Variants in VAPB observed in about 807,000 individuals in gnomAD.
The protein encoded by VAPB is VAMP associated protein B and C.
In VAPB, 7 loss-of-function variants were observed where a neutral mutation model predicts 25.6. The observed-to-expected ratio is 0.27, with a 90% CI of 0.16 to 0.51. The LOEUF (loss-of-function observed/expected upper bound fraction) is 0.51, where lower values mean the gene tolerates loss of function less well. Among genes scored for constraint, VAPB ranks in the 20% least tolerant of loss-of-function variants. VAPB has a pLI of 0.97. For missense variants in VAPB, 266 were observed against 301.3 expected (o/e 0.88, Z 0.87); for synonymous variants, 112 against 109.2 (o/e 1.03, Z -0.16).
chr20:58,444,394 C>CA lies in VAPB; in HGVS notation c.*160dup. 1 of 958,576 alleles carries CA rather than the reference C, an allele frequency of 1.0e-6. No individual in the cohort carries two copies. The allele number at this position is 958,576 out of a possible 1,614,324, so 59.4% of individuals were successfully genotyped here. A position where few individuals can be genotyped will look rare whatever the true frequency, so the allele number is the denominator to read the frequency against. On this transcript the variant is annotated 3_prime_UTR_variant, in exon 6 of 6. Transcript: ENST00000475243. ...CCCTGCACACACATACACAGATACACACACACAAATATAATGTAACGATCT... is the reference window on the plus strand; with the variant it reads ...CCCTGCACACACATACACAGATACACAACACACAAATATAATGTAACGATCT...
chr20:58,409,588 A>G (rs569957638), intron 1 of VAPB, among the ~76,000 whole-genome samples: 1 of 152,290 alleles, frequency 6.6e-6, no homozygotes, highest in Admixed American at 6.5e-5. Context: ...AGAGGCTGTG[A>G]AAAGGAGAGA....
At chr20:58,423,445 A>G (rs868358550) in intron 2 of VAPB, among the ~76,000 whole-genome samples, 76 of 143,776 alleles carry the variant, frequency 5.3e-4, no homozygotes, top group African/African-American at 1.7e-3. Flanking sequence ...AAAAAAAAAA[A>G]AAAAGAAAAG....
chr20:58,390,516 G>A (rs1449135712), intron 1 of VAPB, among the ~76,000 whole-genome samples: 1 of 151,998 alleles, frequency 6.6e-6, no homozygotes, highest in Non-Finnish European at 1.5e-5. Context: ...GACAGATAAG[G>A]CCTCTGCTCT....
intron 1 of VAPB, among the ~76,000 whole-genome samples, chr20:58,398,095 A>G (rs1025457100): frequency 2.6e-5 from 4 of 152,218 alleles, no homozygotes; most frequent in African/African-American, 9.7e-5. Context: ...CCTACCCAAC[A>G]TCATAGCCTT....
At chr20:58,398,534 T>A (rs1189094160) in intron 1 of VAPB, among the ~76,000 whole-genome samples, 3 of 150,946 alleles carry the variant, frequency 2.0e-5, no homozygotes, top group Admixed American at 1.3e-4. Context: ...GCCCTTAAAG[T>A]TTCCAGCCTC....
chr20:58,423,445 A>AAAAAAAAAAAAAAAAAC (rs1988717111), intron 2 of VAPB, among the ~76,000 whole-genome samples: 1 of 143,808 alleles, frequency 7.0e-6, no homozygotes, highest in Admixed American at 7.0e-5. Context: ...AAAAAAAAAA[A>AAAAAAAAAAAAAAAAAC]AAAAGAAAAG....
intron 1 of VAPB, among the ~76,000 whole-genome samples, chr20:58,414,551 C>T (rs1335133305): frequency 2.8e-5 from 4 of 142,018 alleles, no homozygotes; most frequent in East Asian, 2.2e-4. Context: ...CAGACGGGGT[C>T]GTGGCCGGGC....
rs1370952211 is a variant in VAPB, at chr20:58,389,280, T to A, written c.-180T>A. 11 of 698,962 alleles carry A rather than the reference T, an allele frequency of 1.6e-5. No individual in the cohort carries two copies. In the East Asian group the frequency reaches 2.6e-4, roughly 17 times the overall value. 43.3% of individuals were successfully genotyped at this position (698,962 alleles called of 1,614,324 possible). On this transcript the variant is annotated 5_prime_UTR_variant, in exon 1 of 6. Coordinates refer to ENST00000475243, the MANE Select transcript of VAPB (RefSeq NM_004738.5). ...CGGCCTCGCCCTCGCCCTCCGCCCC[T>A]GCGCCTGCACCGCGTAGACCGACCC...
At chr20:58,414,269 G>C (rs1250472463) in intron 1 of VAPB, among the ~76,000 whole-genome samples, 1 of 145,418 alleles carries the variant, frequency 6.9e-6, no homozygotes, top group Non-Finnish European at 1.5e-5. Context: ...GGCGGGGCGT[G>C]GGGCTGACCC....
intron 1 of VAPB, among the ~76,000 whole-genome samples, chr20:58,395,934 G>T (rs1372881175): frequency 6.6e-6 from 1 of 152,160 alleles, no homozygotes; most frequent in Non-Finnish European, 1.5e-5. Context: ...ATAACTGAAT[G>T]TGGTAAAATA....
At chr20:58,424,485 G>C (rs1600802743) in intron 2 of VAPB, among the ~76,000 whole-genome samples, 1 of 152,094 alleles carries the variant, frequency 6.6e-6, no homozygotes, top group Non-Finnish European at 1.5e-5. Context: ...TGTTTTAGGT[G>C]ATCAGCCCCA....
chr20:58,449,330 T>G lies in VAPB; in HGVS notation c.*5095T>G, dbSNP rs143424619. 1.9e-3 allele frequency: 839 copies of G among 449,990 alleles called. 2 individuals are homozygous for G. Among genetic ancestry groups the G allele is most frequent in the Non-Finnish European group, 2.9e-3 (649 of 225,828 alleles). The allele number at this position is 449,990 out of a possible 1,614,324, so 27.9% of individuals were successfully genotyped here. On this transcript the variant is annotated 3_prime_UTR_variant, in exon 6 of 6. Transcript: ENST00000475243. ...GGGCTTTTTATTTTCATTACAGAGA[T>G]ATTTTGAAAAATTTAAAAGACATGA...
chr20:58,443,784 T>C (rs562904644), intron 5 of VAPB, among the ~76,000 whole-genome samples: 53 of 152,186 alleles, frequency 3.5e-4, no homozygotes, highest in African/African-American at 1.2e-3. Context: ...TTGACCCTTT[T>C]AAGTGCTTTT....
chr20:58,432,225 T>C (rs534218090), intron 2 of VAPB: 10 of 152,290 alleles, frequency 6.6e-5, no homozygotes, highest in African/African-American at 2.4e-4. Context: ...GTGTGTTCTG[T>C]TCTCTGGACC....
chr20:58,436,327 CTTTTTTTTTTTTTT>C (rs57100987), intron 3 of VAPB, among the ~76,000 whole-genome samples: 49,959 of 117,412 alleles, frequency 0.43, 9,396 homozygotes, highest in Middle Eastern at 0.51. Flanking sequence ...GTTTTTCTTC[CTTTTTTTTTTTTTT>C]TTTTTTTTTG....
At chr20:58,395,081 A>C (rs555770854) in intron 1 of VAPB, among the ~76,000 whole-genome samples, 2 of 152,252 alleles carry the variant, frequency 1.3e-5, no homozygotes, top group Non-Finnish European at 2.9e-5. Context: ...TATCACTCAA[A>C]TACTACCCCT....
Position 58,445,305 on chromosome 20 carries a change from C to G in VAPB, c.*1070C>G. ...CCAGCGCCCAGGTCCAAGTCTGAGC[C>G]TGACCTCCCCTTGGGGACCTAGCCT... On this transcript the variant is annotated 3_prime_UTR_variant, in exon 6 of 6. Transcript: ENST00000475243. The G allele has an allele frequency of 2.2e-6, 1 of 454,380 alleles. No individual in the cohort carries two copies. Among genetic ancestry groups the G allele is most frequent in the South Asian group, 1.6e-5 (1 of 64,466 alleles). 28.1% of individuals were successfully genotyped at this position (454,380 alleles called of 1,614,324 possible).
intron 2 of VAPB, among the ~76,000 whole-genome samples, chr20:58,432,602 A>C (rs1333691774): frequency 6.6e-6 from 1 of 152,240 alleles, no homozygotes; most frequent in Non-Finnish European, 1.5e-5. Flanking sequence ...CTAACAGTGA[A>C]TCCCAGCTCC....
Position 58,444,151 on chromosome 20 carries a change from GGAA to G in VAPB, c.653_655del (p.Glu218del), listed in dbSNP as rs1989222254. ...TTTCAGCATTAGCCCCAACTGGGAA[GGAA>G]GAAGGCCTTAGCACCCGGCTCTTGG... is the stretch of plus-strand genomic sequence containing the variant. On this transcript the variant is annotated inframe_deletion, in exon 6 of 6. Coordinates refer to ENST00000475243, the MANE Select transcript of VAPB (RefSeq NM_004738.5). The G allele has an allele frequency of 3.7e-6, 6 of 1,614,226 alleles. No individual in the cohort carries two copies. Among genetic ancestry groups the G allele is most frequent in the Non-Finnish European group, 5.1e-6 (6 of 1,180,042 alleles).
Sources: allele counts gnomAD v4.1 joint callset (sites outside exome capture counted in the v4.1 genomes callset), GRCh38; gene constraint gnomAD v4.1.1; transcripts MANE v1.5; gene names NCBI Gene and HGNC (gene_info 2026-07-23, HGNC 2026-07-21).